JAKMIP1: variants seen among roughly 807,000 people sequenced by gnomAD.
JAKMIP1 encodes the protein janus kinase and microtubule-interacting protein 1.
A neutral mutation model predicts 113.0 loss-of-function variants in JAKMIP1; 33 were observed. The ratio of observed to expected loss-of-function variants is 0.29; its 90% CI spans 0.22 to 0.39. JAKMIP1 has a LOEUF of 0.39. JAKMIP1 is among the 10% of genes least tolerant of loss of function. The pLI, the probability that JAKMIP1 is intolerant of heterozygous loss-of-function variation, is 1.00. For missense variants in JAKMIP1, 813 were observed against 1,080.5 expected, an observed-to-expected ratio of 0.75 and a Z score of 3.47; for synonymous variants, 480 against 459.9, an observed-to-expected ratio of 1.04 and a Z score of -0.56.
rs1047346749 is a variant in JAKMIP1 at position 6,185,660 on chromosome 4, G to A, written c.-148+14593C>T. Among the ~76,000 whole-genome samples, 10 of 152,022 alleles carry A rather than the reference G, an allele frequency of 6.6e-5. No individual in the cohort carries two copies. Among genetic ancestry groups the A allele is most frequent in the Non-Finnish European group, 1.2e-4 (8 of 67,974 alleles). The stretch of plus-strand genomic sequence containing the variant: ...AAGACTCCGTCTCAAAAAAACAAAA[G>A]CCAGACCCCAGCTGCAGAGTCCCTG... On this transcript the variant is annotated intron_variant, in intron 1 of 20. Coordinates refer to ENST00000409021, the MANE Select transcript of JAKMIP1 (RefSeq NM_001099433.2). This position sits in a 1 kb window ranked among gnomAD's most constrained non-coding sequence, Gnocchi z 5.3.
intron 8 of JAKMIP1, among the ~76,000 whole-genome samples, chr4:6,073,789 G>A (rs1383276544): frequency 6.6e-6 from 1 of 152,216 alleles, no homozygotes; most frequent in Non-Finnish European, 1.5e-5. Flanking sequence ...CATACTGCTT[G>A]GGGCTACAAT....
chr4:6,096,515 CT>C (rs1231552763), intron 3 of JAKMIP1, among the ~76,000 whole-genome samples: 1 of 152,200 alleles, frequency 6.6e-6, no homozygotes, highest in Admixed American at 6.5e-5. Flanking sequence ...GTTGAGGAAA[CT>C]GGGGGTAAAA....
rs754170613 is a variant in JAKMIP1, at chr4:6,050,729, A to T, written c.1807-50T>A. The T allele has an allele frequency of 2.8e-6, 4 of 1,429,596 alleles. No homozygotes were observed. In the Admixed American group the frequency reaches 6.0e-5, roughly 21 times the overall value. 88.6% of individuals were successfully genotyped at this position (1,429,596 alleles called of 1,614,324 possible). A position where few individuals can be genotyped will look rare whatever the true frequency, so the allele number is the denominator to read the frequency against. On this transcript the variant is annotated intron_variant, in intron 13 of 20. Coordinates refer to ENST00000409021, the MANE Select transcript of JAKMIP1 (RefSeq NM_001099433.2). The surrounding 1 kb of genome is among the most constrained non-coding windows in gnomAD (Gnocchi z 7.4). The stretch of plus-strand genomic sequence containing the variant: ...ACAGAATGTGACCGGATTATTTACC[A>T]CTTGCCATTTTCCCACGTTACTCAG...
chr4:6,108,950 T>C lies in JAKMIP1; in HGVS notation c.130-2983A>G, dbSNP rs564175828. Among the ~76,000 whole-genome samples the C allele has an allele frequency of 1.3e-5, 2 of 152,330 alleles. No homozygotes were observed. Among genetic ancestry groups the C allele is most frequent in the East Asian group, 3.9e-4 (2 of 5,180 alleles). On this transcript the variant is annotated intron_variant, in intron 2 of 20. Transcript: ENST00000409021. The surrounding 1 kb of genome is among the most constrained non-coding windows in gnomAD (Gnocchi z 5.6). ...GGTCAGTATACACATATATATTCCT[T>C]GTTCTGGCAGCTGAGAGGGCCTAGA...
chr4:6,112,806 C>T lies in JAKMIP1; in HGVS notation c.45G>A (p.Glu15=), dbSNP rs778977683. Residue 15 remains glutamate (E), a synonymous_variant, in exon 2 of 21, where the codon GAG becomes GAA. Transcript: ENST00000409021. ...GRSKGEKPEM[E]TDAVQMANEE... ...CGTTGGCCATCTGCACCGCGTCCGT[C>T]TCCATCTCGGGCTTCTCGCCCTTGC... 1.2e-6 allele frequency: 2 copies of T among 1,614,132 alleles called. No individual in the cohort carries two copies. The highest frequency in any genetic ancestry group is 3.3e-5 in the Admixed American group (2 of 60,032).
rs1471303251 is a variant in JAKMIP1 at position 6,186,092 on chromosome 4, G to T, written c.-148+14161C>A. 6.6e-6 allele frequency among the ~76,000 whole-genome samples: 1 copy of T among 152,126 alleles called. No homozygotes were observed. Among genetic ancestry groups the T allele is most frequent in the African/African-American group, 2.4e-5 (1 of 41,432 alleles). On this transcript the variant is annotated intron_variant, in intron 1 of 20. Coordinates refer to ENST00000409021, the MANE Select transcript of JAKMIP1 (RefSeq NM_001099433.2). This position sits in a 1 kb window ranked among gnomAD's most constrained non-coding sequence, Gnocchi z 5.5. ...AGTGTCTGGCTAGGGGCTACAGGAA[G>T]GAGAACGAACAAGTTGTGGTGAGAA... is the stretch of plus-strand genomic sequence containing the variant.
chr4:6,059,564 G>C lies in JAKMIP1; in HGVS notation c.1644+860C>G, dbSNP rs1370315228. 6.6e-6 allele frequency among the ~76,000 whole-genome samples: 1 copy of C among 152,026 alleles called. No individual in the cohort carries two copies. Among genetic ancestry groups the C allele is most frequent in the African/African-American group, 2.4e-5 (1 of 41,414 alleles). On this transcript the variant is annotated intron_variant, in intron 11 of 20. Transcript: ENST00000409021. The surrounding 1 kb of genome is among the most constrained non-coding windows in gnomAD (Gnocchi z 4.8). ...ACTCCGTCTGCCCACACCCTCCTTG[G>C]CACCCTCACTGTTAGTGGGGCCACG...
At chr4:6,120,376 G>A (rs1307003423) in intron 1 of JAKMIP1, among the ~76,000 whole-genome samples, 3 of 152,276 alleles carry the variant, frequency 2.0e-5, no homozygotes, top group Middle Eastern at 3.4e-3. Context: ...AGCAATTCCC[G>A]AAAGGAAAGA....
At chr4:6,117,698 A>T (rs1248878338) in intron 1 of JAKMIP1, among the ~76,000 whole-genome samples, 1 of 151,764 alleles carries the variant, frequency 6.6e-6, no homozygotes, top group Non-Finnish European at 1.5e-5. Flanking sequence ...CACCTCTGCA[A>T]TCTTGACCAT....
Position 6,105,726 on chromosome 4 carries a change from G to A in JAKMIP1, c.371C>T (p.Ala124Val), listed in dbSNP as rs1386045308. 14 of 1,601,094 alleles carry A rather than the reference G, an allele frequency of 8.7e-6. No individual in the cohort carries two copies. The highest frequency in any genetic ancestry group is 1.3e-5 in the African/African-American group (1 of 74,908). Residue 124 changes from alanine (A) to valine (V), a missense_variant, in exon 3 of 21, where the codon GCG becomes GTG. Physicochemically the swap from Ala to Val is moderately conservative, Grantham distance 64 (BLOSUM62 0). Coordinates refer to ENST00000409021, the MANE Select transcript of JAKMIP1 (RefSeq NM_001099433.2). ...QATLNVLRDG[A>V]ADKVKTALLT... ...CAGCGCCGTCTTGACCTTGTCGGCC[G>A]CGCCGTCGCGCAGCACGTTCAGCGT...
rs953068315 is a variant in JAKMIP1 at position 6,136,747 on chromosome 4, C to G, written c.-147-23750G>C. Among the ~76,000 whole-genome samples, 1 of 152,180 alleles carries G rather than the reference C, an allele frequency of 6.6e-6. No individual in the cohort carries two copies. Among genetic ancestry groups the G allele is most frequent in the South Asian group, 2.1e-4 (1 of 4,832 alleles). ...ATAAATAAATAACAAGAACTTCCTC[C>G]CTGTCCAGTCCAGCCAGCTGACCAC... On this transcript the variant is annotated intron_variant, in intron 1 of 20. Coordinates refer to ENST00000409021, the MANE Select transcript of JAKMIP1 (RefSeq NM_001099433.2). This position sits in a 1 kb window ranked among gnomAD's most constrained non-coding sequence, Gnocchi z 5.9.
intron 5 of JAKMIP1, among the ~76,000 whole-genome samples, chr4:6,083,323 A>C (rs1720852482): frequency 6.6e-6 from 1 of 151,808 alleles, no homozygotes; most frequent in South Asian, 2.1e-4. Context: ...GAATCACTTG[A>C]ACCCGGGAGG....
intron 8 of JAKMIP1, among the ~76,000 whole-genome samples, chr4:6,070,919 G>A (rs771186622): frequency 7.2e-5 from 11 of 152,194 alleles, no homozygotes; most frequent in Non-Finnish European, 1.5e-4. Context: ...ATCTCTCGGA[G>A]AAGCGTCACC....
chr4:6,105,926 C>G lies in JAKMIP1; in HGVS notation c.171G>C (p.Glu57Asp). The change falls in exon 3 of 21, where the codon GAG (glutamate) becomes GAC (aspartate). Residue 57 changes from glutamate to aspartate, a missense_variant. By Grantham distance (45) the Glu-to-Asp change is conservative. Coordinates refer to ENST00000409021, the MANE Select transcript of JAKMIP1 (RefSeq NM_001099433.2). ...TGTGCCGTCGCTGCTCCTGCTCGCG[C>G]TCCAGCTTCGCCTCCTGCAGCCGCT... The part of the protein sequence containing the change: ...LRERLQEAKL[E>D]REQEQRRHTA... 1.9e-6 allele frequency: 3 copies of G among 1,609,970 alleles called. No homozygotes were observed. The highest frequency in any genetic ancestry group is 2.5e-6 in the Non-Finnish European group (3 of 1,178,924).
At position 6,031,074 on chromosome 4, in the gene JAKMIP1, C is replaced by T. The variant is rs6813726; in HGVS notation, c.2380-1293G>A. Among the ~76,000 whole-genome samples, 1 of 152,104 alleles carries T rather than the reference C, an allele frequency of 6.6e-6. No individual in the cohort carries two copies. Among genetic ancestry groups the T allele is most frequent in the Non-Finnish European group, 1.5e-5 (1 of 68,020 alleles). ...GTCCCTCCCCTTATAGTTCAATTAC[C>T]GTTCAGACAATAGCAGCATACACAT... On this transcript the variant is annotated intron_variant, in intron 19 of 20. Coordinates refer to ENST00000409021, the MANE Select transcript of JAKMIP1 (RefSeq NM_001099433.2). This position sits in a 1 kb window ranked among gnomAD's most constrained non-coding sequence, Gnocchi z 4.4.
At chr4:6,174,220 T>A (rs1725073255) in intron 1 of JAKMIP1, among the ~76,000 whole-genome samples, 1 of 152,142 alleles carries the variant, frequency 6.6e-6, no homozygotes, top group African/African-American at 2.4e-5. Context: ...CTCAGAACAC[T>A]TATTAATATG....
At chr4:6,102,939 T>C (rs1713317091) in intron 3 of JAKMIP1, among the ~76,000 whole-genome samples, 1 of 151,904 alleles carries the variant, frequency 6.6e-6, no homozygotes, top group South Asian at 2.1e-4. Flanking sequence ...TTCACTGTGT[T>C]AGCCAGGATG....
chr4:6,169,651 CAGATG>C (rs1724110114), intron 1 of JAKMIP1, among the ~76,000 whole-genome samples: 2 of 144,950 alleles, frequency 1.4e-5, no homozygotes, highest in Admixed American at 1.4e-4. Flanking sequence ...GAATTATTTT[CAGATG>C]ACGAAACTGC....
In JAKMIP1 at chr4:6,137,569, G is replaced by C. The variant is rs753827698; in HGVS notation, c.-147-24572C>G. Among the ~76,000 whole-genome samples, 21 of 152,170 alleles carry C rather than the reference G, an allele frequency of 1.4e-4. No individual in the cohort carries two copies. Among genetic ancestry groups the C allele is most frequent in the Non-Finnish European group, 2.8e-4 (19 of 68,036 alleles). On this transcript the variant is annotated intron_variant, in intron 1 of 20. Coordinates refer to ENST00000409021, the MANE Select transcript of JAKMIP1 (RefSeq NM_001099433.2). This position sits in a 1 kb window ranked among gnomAD's most constrained non-coding sequence, Gnocchi z 4.5. ...TTGAACGTTCCAGATGGCCTCACTCGAGAGACGCTCTTTTTCAGCCAATCC... is the reference window on the plus strand; with the variant it reads ...TTGAACGTTCCAGATGGCCTCACTCCAGAGACGCTCTTTTTCAGCCAATCC...
Sources: gnomAD v4.1 joint callset for allele counts (sites outside exome capture counted in the v4.1 genomes callset) on GRCh38, gnomAD v4.1.1 for gene constraint, Gnocchi (gnomAD v3.1) non-coding constraint, MANE v1.5 for transcripts, NCBI Gene and HGNC (gene_info 2026-07-23, HGNC 2026-07-21) for gene names.